Variants in SNX29 observed in about 807,000 individuals in gnomAD.
SNX29 encodes the protein sorting nexin 29.
SNX29 carries 78 observed loss-of-function variants against 102.1 expected under a neutral mutation model. The ratio of observed to expected loss-of-function variants is 0.76; its 90% CI spans 0.64 to 0.92. The LOEUF is 0.92. Among genes scored for constraint, SNX29 ranks in the 40% least tolerant of loss-of-function variants. SNX29 has a pLI of 0.00. For synonymous variants in SNX29, 580 were observed against 414.5 expected (o/e 1.40, Z -4.85); for missense variants, 1,280 against 1,061.7 (o/e 1.21, Z -2.86).
chr16:12,383,772 CTTTTTT>C (rs58531196), intron 16 of SNX29, among the ~76,000 whole-genome samples: 261 of 105,952 alleles, frequency 2.5e-3, no homozygotes, highest in Middle Eastern at 9.5e-3. Context: ...CGTCAACTTT[CTTTTTT>C]TTTTTTTTTT....
chr16:12,373,283 C>G (rs28405384), intron 16 of SNX29, among the ~76,000 whole-genome samples: 6,573 of 152,246 alleles, frequency 0.043, 274 homozygotes, highest in African/African-American at 0.1. Flanking sequence ...CAGGCATGCA[C>G]CACCACACTT....
intron 15 of SNX29, among the ~76,000 whole-genome samples, chr16:12,342,051 G>T (rs535718594): frequency 1.1e-4 from 17 of 152,338 alleles, no homozygotes; most frequent in African/African-American, 4.1e-4. Context: ...GATTCTGGGA[G>T]GTAGATGTGG....
At chr16:12,561,625 A>T (rs538491640) in intron 20 of SNX29, among the ~76,000 whole-genome samples, 2 of 152,166 alleles carry the variant, frequency 1.3e-5, no homozygotes, top group Non-Finnish European at 2.9e-5. Context: ...GTACCCCAAG[A>T]GGCTTATTAA....
intron 18 of SNX29, among the ~76,000 whole-genome samples, chr16:12,461,618 C>T (rs1010949382): frequency 2.6e-5 from 4 of 151,952 alleles, no homozygotes; most frequent in Admixed American, 6.6e-5. Flanking sequence ...TTTGAAGCAT[C>T]GCGTCTTCCA....
In SNX29 at chr16:12,046,291, G is replaced by C. The variant is rs1378372352; in HGVS notation, c.429-93G>C. 1.5e-5 allele frequency: 19 copies of C among 1,285,578 alleles called. 1 individual carries two copies. The Middle Eastern group carries it at 1.8e-3, about 120-fold the overall frequency. The allele number at this position is 1,285,578 out of a possible 1,614,324, so 79.6% of individuals were successfully genotyped here. A position where few individuals can be genotyped will look rare whatever the true frequency, so the allele number is the denominator to read the frequency against. ...ATCCCTCTTGGGGTGACCAGGTGCA[G>C]ATCTTCCAGGGAGCCGTCTAATGGA... On this transcript the variant is annotated intron_variant, in intron 5 of 20. Transcript: ENST00000566228.
At chr16:12,449,424 T>C (rs2086205283) in intron 18 of SNX29, among the ~76,000 whole-genome samples, 1 of 151,712 alleles carries the variant, frequency 6.6e-6, no homozygotes, top group African/African-American at 2.4e-5. Context: ...CTGGTTTAGG[T>C]GGATTATGCA....
chr16:12,218,145 C>T (rs2077374127), intron 14 of SNX29, among the ~76,000 whole-genome samples: 1 of 152,190 alleles, frequency 6.6e-6, no homozygotes, highest in Non-Finnish European at 1.5e-5. Context: ...TGGAAGTAGA[C>T]ACTGGAGCTT....
rs140773217 is a variant in SNX29, at chr16:12,295,267, C to T, written c.1782+17231C>T. Reference sequence around the variant, plus strand: ...TTGACTTTCCTAGGATGACAGGCAGCGGGGTCACCGGTTCCCTTTAAGGAT... The same window carrying T: ...TTGACTTTCCTAGGATGACAGGCAGTGGGGTCACCGGTTCCCTTTAAGGAT... On this transcript the variant is annotated intron_variant, in intron 15 of 20. Coordinates refer to ENST00000566228, the MANE Select transcript of SNX29 (RefSeq NM_032167.5). Among the ~76,000 whole-genome samples, 57 of 152,316 alleles carry T rather than the reference C, an allele frequency of 3.7e-4. 1 individual carries two copies. The highest frequency in any genetic ancestry group is 1.2e-3 in the African/African-American group (50 of 41,562).
intron 3 of SNX29, among the ~76,000 whole-genome samples, chr16:12,010,286 G>A (rs374172320): frequency 6.6e-6 from 1 of 152,120 alleles, no homozygotes; most frequent in Non-Finnish European, 1.5e-5. Flanking sequence ...TGCCATATGG[G>A]TGGCAGTGAG....
chr16:12,345,007 C>T lies in SNX29; in HGVS notation c.1783-11156C>T, dbSNP rs116239422. ...CATTGTGTGGCGCCAAGTAAACCAC[C>T]TCATATGCTACGTTTAAGGAAAGAG... On this transcript the variant is annotated intron_variant, in intron 15 of 20. Coordinates refer to ENST00000566228, the MANE Select transcript of SNX29 (RefSeq NM_032167.5). Among the ~76,000 whole-genome samples, 244 of 152,366 alleles carry T rather than the reference C, an allele frequency of 1.6e-3. 1 individual carries two copies. The highest frequency in any genetic ancestry group is 5.7e-3 in the African/African-American group (238 of 41,584).
intron 15 of SNX29, among the ~76,000 whole-genome samples, chr16:12,284,965 A>G (rs2079546170): frequency 6.6e-6 from 1 of 152,052 alleles, no homozygotes; most frequent in Non-Finnish European, 1.5e-5. Flanking sequence ...ACCTCAGGTG[A>G]TCCACCCACC....
At chr16:12,546,027 C>T (rs1297306356) in intron 20 of SNX29, among the ~76,000 whole-genome samples, 5 of 152,166 alleles carry the variant, frequency 3.3e-5, no homozygotes, top group Non-Finnish European at 5.9e-5. Context: ...CAAAAAAACC[C>T]ACACCCTTGA....
chr16:12,547,547 C>T (rs1252291171), intron 20 of SNX29, among the ~76,000 whole-genome samples: 5 of 152,112 alleles, frequency 3.3e-5, no homozygotes, highest in South Asian at 2.1e-4. Flanking sequence ...GAACAGAGTC[C>T]TGAGCTGTGG....
intron 20 of SNX29, among the ~76,000 whole-genome samples, chr16:12,562,855 C>T (rs577923960): frequency 2.6e-5 from 4 of 152,298 alleles, no homozygotes; most frequent in East Asian, 1.9e-4. Context: ...AACCCGACAG[C>T]TCCCGGTCTG....
At chr16:12,493,344 A>G (rs1190343918) in intron 19 of SNX29, among the ~76,000 whole-genome samples, 3 of 151,920 alleles carry the variant, frequency 2.0e-5, no homozygotes, top group East Asian at 3.9e-4. Flanking sequence ...TTTGTCTGTT[A>G]TTGGTATATA....
At chr16:12,450,413 A>G (rs1477058583) in intron 18 of SNX29, among the ~76,000 whole-genome samples, 1 of 152,190 alleles carries the variant, frequency 6.6e-6, no homozygotes, top group Non-Finnish European at 1.5e-5. Context: ...AAATGGGATC[A>G]ACTTGACTTC....
Position 11,997,172 on chromosome 16 carries a change from T to C in SNX29, c.8-2125T>C, listed in dbSNP as rs531052234. Reference sequence around the variant, plus strand: ...GCCTGTTTGATCTTTCCTTCCACTTTTTTGCTTTTTGCTCAAGCCACAGCA... The same window carrying C: ...GCCTGTTTGATCTTTCCTTCCACTTCTTTGCTTTTTGCTCAAGCCACAGCA... On this transcript the variant is annotated intron_variant, in intron 1 of 20. Coordinates refer to ENST00000566228, the MANE Select transcript of SNX29 (RefSeq NM_032167.5). Among the ~76,000 whole-genome samples, 5 of 152,192 alleles carry C rather than the reference T, an allele frequency of 3.3e-5. No homozygotes were observed. The South Asian group carries it at 8.3e-4, about 25-fold the overall frequency.
intron 18 of SNX29, among the ~76,000 whole-genome samples, chr16:12,419,331 C>T (rs1390970378): frequency 1.3e-5 from 2 of 152,164 alleles, no homozygotes; most frequent in Non-Finnish European, 2.9e-5. Context: ...AATGTGATTC[C>T]TGTTCCTATT....
rs891858073 is a variant in SNX29, at chr16:12,418,669, C to T, written c.2037+15140C>T. Among the ~76,000 whole-genome samples, 29 of 152,272 alleles carry T rather than the reference C, an allele frequency of 1.9e-4. 1 individual carries two copies. In the South Asian group the frequency reaches 2.7e-3, roughly 14 times the overall value. On this transcript the variant is annotated intron_variant, in intron 18 of 20. Transcript: ENST00000566228. ...AGCTGGGATTACAGGTGCCTGCCAC[C>T]GTGCCCAGCTAATTTTTGTATTTTT...
Sources: gnomAD v4.1 joint callset for allele counts (sites outside exome capture counted in the v4.1 genomes callset) on GRCh38, gnomAD v4.1.1 for gene constraint, MANE v1.5 for transcripts, NCBI Gene and HGNC (gene_info 2026-07-23, HGNC 2026-07-21) for gene names.